NDUFA1: variants seen among roughly 807,000 people sequenced by gnomAD.
NDUFA1 encodes NADH:ubiquinone oxidoreductase subunit A1, also known as NADH dehydrogenase [ubiquinone] 1 alpha subcomplex subunit 1.
For missense variants in NDUFA1, 42 were observed against 56.0 expected, an observed-to-expected ratio of 0.75 and a Z score of 0.80; for synonymous variants, 21 against 20.0, an observed-to-expected ratio of 1.05 and a Z score of -0.14.
intron 2 of NDUFA1, among the ~76,000 whole-genome samples, chrX:119,873,672 T>C (rs2056425414): frequency 9.0e-6 from 1 of 111,149 alleles, no homozygotes; most frequent in Admixed American, 9.7e-5. Flanking sequence ...TAGACTTTAA[T>C]TTTTTTGTCT....
chrX:119,873,409 G>C lies in NDUFA1; in HGVS notation c.192+16G>C. On this transcript the variant is annotated intron_variant, in intron 2 of 2. Transcript: ENST00000371437. ...TGTGTCAAAGGTAAGATGCCACTCT[G>C]ATGCCAGCCTTTTGCCAGGGTTGAG... 1 of 1,189,956 alleles carries C rather than the reference G, an allele frequency of 8.4e-7. No homozygotes were observed. Among genetic ancestry groups the C allele is most frequent in the Non-Finnish European group, 1.1e-6 (1 of 875,658 alleles).
rs374559138 is a variant in NDUFA1, at chrX:119,871,868, C to G, written c.-44C>G. On this transcript the variant is annotated 5_prime_UTR_variant, in exon 1 of 3. Coordinates refer to ENST00000371437, the MANE Select transcript of NDUFA1 (RefSeq NM_004541.4). Reference sequence around the variant, plus strand: ...AGAGAGGCGAAGCCAGGTCACCTTTCAAGGACCCAGAAGTAGGGTTTTGGC... The same window carrying G: ...AGAGAGGCGAAGCCAGGTCACCTTTGAAGGACCCAGAAGTAGGGTTTTGGC... 15 of 1,186,833 alleles carry G rather than the reference C, an allele frequency of 1.3e-5. No individual in the cohort carries two copies. The African/African-American group carries it at 2.1e-4, about 17-fold the overall frequency.
At chrX:119,875,317 C>CTTTTTTTTTTT (rs61235666) in intron 2 of NDUFA1, among the ~76,000 whole-genome samples, 7 of 59,636 alleles carry the variant, frequency 1.2e-4, no homozygotes, top group African/African-American at 4.4e-4. Context: ...ACTGATGAGT[C>CTTTTTTTTTTT]TTTTTTTTTT....
rs5910698 is a variant in NDUFA1 at position 119,873,061 on chromosome X, A to T, written c.103-243A>T. Among the ~76,000 whole-genome samples the T allele has an allele frequency of 0.097, 8,257 of 84,888 alleles. 364 individuals are homozygous for T. The highest frequency in any genetic ancestry group is 0.2 in the African/African-American group (4,336 of 21,409). The allele number at this position is 84,888 out of a possible 115,157, so 73.7% of individuals were successfully genotyped here. ...TAGATATTTCTTTTTTTTTTTTTTTAAAAAAAAAGGAAAAAAAATTCATGT... is the reference window on the plus strand; with the variant it reads ...TAGATATTTCTTTTTTTTTTTTTTTTAAAAAAAAGGAAAAAAAATTCATGT... On this transcript the variant is annotated intron_variant, in intron 1 of 2. Transcript: ENST00000371437.
chrX:119,873,200 CGAT>C, intron 1 of NDUFA1, 101 bp from the exon 2 acceptor site: 2 of 627,290 alleles, frequency 3.2e-6, no homozygotes, highest in African/African-American at 2.2e-5. Context: ...TTTATTTAAA[CGAT>C]GATTCCATTT....
intron 2 of NDUFA1, among the ~76,000 whole-genome samples, 172 bp from the exon 3 acceptor site, chrX:119,876,342 C>A (rs908899885): frequency 1.8e-5 from 2 of 111,767 alleles, no homozygotes; most frequent in African/African-American, 6.5e-5. Context: ...ACAGGTTATT[C>A]TTTAGTGATT....
At chrX:119,872,320 T>A (rs943694381) in intron 1 of NDUFA1, among the ~76,000 whole-genome samples, 12 of 110,430 alleles carry the variant, frequency 1.1e-4, no homozygotes, top group African/African-American at 3.6e-4. Context: ...GCCTTCTGGG[T>A]TCAAGAGATT....
rs111430303 is a variant in NDUFA1 at position 119,872,478 on chromosome X, G to T, written c.102+465G>T. Among the ~76,000 whole-genome samples the T allele has an allele frequency of 4.2e-3, 459 of 109,736 alleles. 1 individual carries two copies. The highest frequency in any genetic ancestry group is 0.013 in the African/African-American group (384 of 30,227). On this transcript the variant is annotated intron_variant, in intron 1 of 2. Transcript: ENST00000371437. ...CCTAAAAATACAAAATTAGCTGGGC[G>T]TGGTGGCGCATGCCTGTAATCCCAG...
intron 2 of NDUFA1, among the ~76,000 whole-genome samples, chrX:119,875,317 C>CTTTTTTTTTTTTTTTTTTT (rs61235666): frequency 1.0e-4 from 6 of 59,638 alleles, no homozygotes; most frequent in African/African-American, 4.4e-4. Context: ...ACTGATGAGT[C>CTTTTTTTTTTTTTTTTTTT]TTTTTTTTTT....
At chrX:119,873,528 ATTTAATC>A in intron 2 of NDUFA1, 135 bp downstream of exon 2, 3 of 413,849 alleles carry the variant, frequency 7.2e-6, no homozygotes, top group Non-Finnish European at 4.2e-6. Context: ...CTTTTTACAT[ATTTAATC>A]TTTTATATTT....
rs756001894 is a variant in NDUFA1 at position 119,871,999 on chromosome X, A to G, written c.88A>G (p.Thr30Ala). 2 of 1,210,452 alleles carry G rather than the reference A, an allele frequency of 1.7e-6. No homozygotes were observed. Among genetic ancestry groups the G allele is most frequent in the Non-Finnish European group, 2.2e-6 (2 of 894,823 alleles). Reference sequence around the variant, plus strand: ...GGCTACTGCGTACATCCACAGGTTCACTAACGGGGGCAAGGTAAGCCGGCT... The same window carrying G: ...GGCTACTGCGTACATCCACAGGTTCGCTAACGGGGGCAAGGTAAGCCGGCT... ...GLATAYIHRF[T>A]NGGKEKRVAH... Residue 30 changes from threonine (T) to alanine (A), a missense_variant, in exon 1 of 3, where the codon ACT becomes GCT. By Grantham distance (58) the Thr-to-Ala change is moderately conservative. Transcript: ENST00000371437.
chrX:119,876,435 G>T (rs2056437383), intron 2 of NDUFA1, 79 bp from the exon 3 acceptor site: 34 of 1,025,464 alleles, frequency 3.3e-5, no homozygotes, highest in Non-Finnish European at 4.7e-5. Flanking sequence ...GCCATTTAAT[G>T]ACACTGGAAA....
intron 2 of NDUFA1, among the ~76,000 whole-genome samples, chrX:119,874,708 C>T (rs1466009698): frequency 9.0e-6 from 1 of 110,573 alleles, no homozygotes; most frequent in African/African-American, 3.3e-5. Flanking sequence ...AGGCACCTGC[C>T]ACCATGCCCA....
At chrX:119,875,298 A>G (rs2056432113) in intron 2 of NDUFA1, among the ~76,000 whole-genome samples, 1 of 105,342 alleles carries the variant, frequency 9.5e-6, no homozygotes, top group Non-Finnish European at 1.9e-5. Context: ...ACCTAGAAGA[A>G]GTGTCATCAC....
In NDUFA1 at chrX:119,876,551, T is replaced by C. The variant is rs759401601; in HGVS notation, c.*17T>C. 2.5e-5 allele frequency: 30 copies of C among 1,204,839 alleles called. No homozygotes were observed. The highest frequency in any genetic ancestry group is 2.1e-4 in the South Asian group (12 of 56,825). The stretch of plus-strand genomic sequence containing the variant: ...ATTGATTAAGGAAGCATTTTCCTGA[T>C]TGATGAAAAAAATAACTCAGTTATG... On this transcript the variant is annotated 3_prime_UTR_variant, in exon 3 of 3. Coordinates refer to ENST00000371437, the MANE Select transcript of NDUFA1 (RefSeq NM_004541.4).
rs752544534 is a variant in NDUFA1, at chrX:119,872,018, G to A, written c.102+5G>A. 2.4e-5 allele frequency: 29 copies of A among 1,206,250 alleles called. No homozygotes were observed. The African/African-American group carries it at 4.3e-4, about 18-fold the overall frequency. ...AGGTTCACTAACGGGGGCAAGGTAAGCCGGCTTCGGCCCGGGGGCCGACTC... is the reference window on the plus strand; with the variant it reads ...AGGTTCACTAACGGGGGCAAGGTAAACCGGCTTCGGCCCGGGGGCCGACTC... On this transcript the variant is annotated splice_donor_5th_base_variant and intron_variant, in intron 1 of 2. Transcript: ENST00000371437.
intron 2 of NDUFA1, among the ~76,000 whole-genome samples, chrX:119,876,205 CA>C (rs368203238): frequency 6.4e-4 from 51 of 79,500 alleles, no homozygotes; most frequent in Admixed American, 7.1e-4. Context: ...GACTCCATCT[CA>C]AAAAAAAAAA....
intron 1 of NDUFA1, 57 bp downstream of exon 1, chrX:119,872,070 T>A: frequency 9.1e-7 from 1 of 1,096,942 alleles, no homozygotes; most frequent in African/African-American, 1.8e-5. Context: ...AAAAGGGTGG[T>A]GGGCAGGGAG....
intron 2 of NDUFA1, among the ~76,000 whole-genome samples, chrX:119,875,107 T>C (rs192437718): frequency 2.0e-3 from 218 of 110,773 alleles, no homozygotes; most frequent in Middle Eastern, 4.7e-3. Context: ...ATAATAGATA[T>C]CTACTTATCT....
Sources: allele counts gnomAD v4.1 joint callset (sites outside exome capture counted in the v4.1 genomes callset), GRCh38; gene constraint gnomAD v4.1.1; transcripts MANE v1.5; gene names NCBI Gene and HGNC (gene_info 2026-07-23, HGNC 2026-07-21).